The following P3H1 variants were observed in gnomAD, a reference collection of about 807,000 sequenced individuals.
P3H1 encodes the protein growth suppressor 1.
A neutral mutation model predicts 84.0 loss-of-function variants in P3H1; 69 were observed. The ratio of observed to expected loss-of-function variants is 0.82; its 90% CI spans 0.68 to 1.00. The LOEUF is 1.00. Among genes scored for constraint, P3H1 ranks in the 50% least tolerant of loss-of-function variants. P3H1 has a pLI of 0.00. For synonymous variants in P3H1, 366 were observed against 388.8 expected, an observed-to-expected ratio of 0.94 and a Z score of 0.69; for missense variants, 878 against 962.8, an observed-to-expected ratio of 0.91 and a Z score of 1.17.
chr1:42,753,851 G>A (rs1474327936), intron 8 of P3H1, among the ~76,000 whole-genome samples: 1 of 151,964 alleles, frequency 6.6e-6, no homozygotes, highest in East Asian at 1.9e-4. Flanking sequence ...TGATGATCCC[G>A]GGATGTGGAG....
At chr1:42,748,406 T>C in intron 11 of P3H1, 89 bp from the exon 12 acceptor site, 1 of 980,454 alleles carries the variant, frequency 1.0e-6, no homozygotes, top group Non-Finnish European at 1.6e-6. Context: ...TCCCAAAATG[T>C]GTTTGAGTCT....
intron 6 of P3H1, 32 bp from the exon 7 acceptor site, chr1:42,755,249 A>G (rs1203977283): frequency 6.9e-6 from 11 of 1,600,060 alleles, no homozygotes; most frequent in Non-Finnish European, 9.4e-6. Context: ...GAAAAAGGTA[A>G]GATGATCTAC....
chr1:42,764,913 C>T (rs1246017164), intron 1 of P3H1, among the ~76,000 whole-genome samples: 1 of 152,134 alleles, frequency 6.6e-6, no homozygotes, highest in Admixed American at 6.5e-5. Context: ...CTCATGTCCT[C>T]ACTCCTCTCT....
At chr1:42,755,509 C>T (rs1557569389) in intron 6 of P3H1, 39 bp downstream of exon 6, 3 of 1,536,792 alleles carry the variant, frequency 2.0e-6, no homozygotes, top group South Asian at 1.1e-5. Flanking sequence ...CCTGCTCACT[C>T]TTTCCCCGCT....
At position 42,752,534 on chromosome 1, in the gene P3H1, T is replaced by C. The variant is rs1652167519; in HGVS notation, c.1473+3A>G. The stretch of plus-strand genomic sequence containing the variant: ...GAAGGTGCAGTCACTGGGCTTCCCT[T>C]ACATTGGTCAGTCTCTGCAGCTCCT... On this transcript the variant is annotated splice_donor_region_variant and intron_variant, in intron 9 of 14. Coordinates refer to ENST00000296388, the MANE Select transcript of P3H1 (RefSeq NM_022356.4). 3 of 1,614,142 alleles carry C rather than the reference T, an allele frequency of 1.9e-6. No homozygotes were observed. The highest frequency in any genetic ancestry group is 2.5e-6 in the Non-Finnish European group (3 of 1,180,018).
At position 42,748,183 on chromosome 1, in the gene P3H1, A is replaced by C; in HGVS notation, c.1838+17T>G. 1.9e-6 allele frequency: 3 copies of C among 1,593,290 alleles called. No homozygotes were observed. The highest frequency in any genetic ancestry group is 2.6e-6 in the Non-Finnish European group (3 of 1,162,552). ...GAGGGCACAGACCTCCTCACCCTGC[A>C]CCTGCCCCGCACTCACCTGTAGTCG... On this transcript the variant is annotated intron_variant, in intron 12 of 14. Coordinates refer to ENST00000296388, the MANE Select transcript of P3H1 (RefSeq NM_022356.4).
At position 42,748,445 on chromosome 1, in the gene P3H1, T is replaced by C. The variant is rs1651857259; in HGVS notation, c.1721-128A>G. ...GAATGCCCAATGAACTAGGGGGGTG[T>C]CTTTGGCTAAGCCACAAGCCTAGGG... On this transcript the variant is annotated intron_variant, in intron 11 of 14. Coordinates refer to ENST00000296388, the MANE Select transcript of P3H1 (RefSeq NM_022356.4). 4 of 784,484 alleles carry C rather than the reference T, an allele frequency of 5.1e-6. No individual in the cohort carries two copies. The South Asian group carries it at 5.5e-5, about 11-fold the overall frequency. The allele number at this position is 784,484 out of a possible 1,614,324, so 48.6% of individuals were successfully genotyped here.
chr1:42,766,227 C>A (rs1652989088), intron 1 of P3H1, among the ~76,000 whole-genome samples: 1 of 152,242 alleles, frequency 6.6e-6, no homozygotes, highest in African/African-American at 2.4e-5. Context: ...TTAATTCCTT[C>A]CAGGAGATTT....
intron 1 of P3H1, among the ~76,000 whole-genome samples, chr1:42,765,475 T>C (rs1002689722): frequency 6.6e-6 from 1 of 152,256 alleles, no homozygotes; most frequent in African/African-American, 2.4e-5. Flanking sequence ...AGAACTGGAA[T>C]GCAGTAGGTA....
At chr1:42,750,370 C>T (rs371479274) in intron 10 of P3H1, 34 bp from the exon 11 acceptor site, 56 of 1,612,694 alleles carry the variant, frequency 3.5e-5, no homozygotes, top group Admixed American at 8.4e-5. Context: ...CTGCCCTCAA[C>T]GACTGATATG....
At chr1:42,763,246 A>T (rs1652812172) in intron 1 of P3H1, among the ~76,000 whole-genome samples, 1 of 152,184 alleles carries the variant, frequency 6.6e-6, no homozygotes, top group Non-Finnish European at 1.5e-5. Flanking sequence ...ATAAAATAAA[A>T]TGAAGAATTT....
Position 42,754,889 on chromosome 1 carries a change from A to G in P3H1, c.1325T>C (p.Val442Ala), listed in dbSNP as rs1308933452. 3 of 1,614,156 alleles carry G rather than the reference A, an allele frequency of 1.9e-6. No homozygotes were observed. The highest frequency in any genetic ancestry group is 2.5e-6 in the Non-Finnish European group (3 of 1,180,018). The change falls in exon 8 of 15, where the codon GTG becomes GCG. Residue 442 changes from valine (V) to alanine (A), a missense_variant. Val to Ala is a moderately conservative substitution (Grantham distance 64). Coordinates refer to ENST00000296388, the MANE Select transcript of P3H1 (RefSeq NM_022356.4). The surrounding 1 kb of genome is among the most constrained non-coding windows in gnomAD (Gnocchi z 4.0). ...VEEKTKESLD[V>A]SRLTREGGPL... is the part of the protein sequence containing the mutation. Reference sequence around the variant, plus strand: ...CTCACCTTCCCGGGTCAGTCTGCTCACATCCAGTGACTCCTTGGTCTTCTC... The same window carrying G: ...CTCACCTTCCCGGGTCAGTCTGCTCGCATCCAGTGACTCCTTGGTCTTCTC...
chr1:42,753,055 G>A (rs578233927), intron 8 of P3H1, among the ~76,000 whole-genome samples: 2 of 152,274 alleles, frequency 1.3e-5, no homozygotes, highest in East Asian at 3.9e-4. Context: ...TAATTAAAAT[G>A]TTCTCATCTG....
chr1:42,747,548 G>A (rs1437803082), intron 13 of P3H1, 136 bp from the exon 14 acceptor site: 1 of 1,125,080 alleles, frequency 8.9e-7, no homozygotes, highest in Non-Finnish European at 1.3e-6. Flanking sequence ...GAACTAAAGA[G>A]AAAGGGTGAC....
At chr1:42,752,871 G>A (rs1190886405) in intron 8 of P3H1, among the ~76,000 whole-genome samples, 1 of 152,184 alleles carries the variant, frequency 6.6e-6, no homozygotes, top group Non-Finnish European at 1.5e-5. Context: ...CCAGCTCCAT[G>A]ACCAAATAGC....
chr1:42,766,007 T>TCC (rs747617057), intron 1 of P3H1, among the ~76,000 whole-genome samples: 9 of 117,722 alleles, frequency 7.6e-5, no homozygotes, highest in East Asian at 4.2e-4. Context: ...AGCCAGAGGG[T>TCC]CCCCCCCCCG....
chr1:42,750,377 T>C, intron 10 of P3H1, 41 bp from the exon 11 acceptor site: 7 of 1,611,978 alleles, frequency 4.3e-6, no homozygotes, highest in Non-Finnish European at 5.1e-6. Flanking sequence ...CAACGACTGA[T>C]ATGGTTTGGC....
intron 13 of P3H1, 117 bp from the exon 14 acceptor site, chr1:42,747,529 C>T (rs1040280946): frequency 1.0e-5 from 12 of 1,165,614 alleles, no homozygotes; most frequent in Non-Finnish European, 1.5e-5. Flanking sequence ...TATGGCTTCC[C>T]TAAGACCAGA....
chr1:42,758,652 C>T (rs1652530692), intron 4 of P3H1, among the ~76,000 whole-genome samples, 200 bp downstream of exon 4: 2 of 152,320 alleles, frequency 1.3e-5, no homozygotes, highest in Middle Eastern at 3.4e-3. Context: ...CTCCCTCCCC[C>T]AGCTTTTTGG....
Sources: allele counts gnomAD v4.1 joint callset (sites outside exome capture counted in the v4.1 genomes callset), GRCh38; gene constraint gnomAD v4.1.1; non-coding constraint Gnocchi (gnomAD v3.1); transcripts MANE v1.5; gene names NCBI Gene and HGNC (gene_info 2026-07-23, HGNC 2026-07-21).